The following DRC11 variants were observed in gnomAD, a reference collection of about 807,000 sequenced individuals.
The protein encoded by DRC11 is dynein regulatory complex subunit 11.
chr2:236,439,252 AC>A, the DRC11 span, among the ~76,000 whole-genome samples: 4 of 152,008 alleles, frequency 2.6e-5, no homozygotes, highest in African/African-American at 9.7e-5. Flanking sequence ...GACACAAAAA[AC>A]CCTTCAAAAC....
At chr2:236,411,031 C>A in the DRC11 span, among the ~76,000 whole-genome samples, 1 of 143,696 alleles carries the variant, frequency 7.0e-6, no homozygotes, top group Non-Finnish European at 1.5e-5. Flanking sequence ...GCAACCAAAG[C>A]CAAAATTGAC....
the DRC11 span, among the ~76,000 whole-genome samples, chr2:236,309,498 G>A: frequency 6.6e-6 from 1 of 152,120 alleles, no homozygotes; most frequent in South Asian, 2.1e-4. The surrounding 1 kb of genome is among the most constrained non-coding windows in gnomAD (Gnocchi z 5.7). Context: ...GGCAGGGGCA[G>A]GAGGAGGTGT....
the DRC11 span, among the ~76,000 whole-genome samples, chr2:236,347,987 C>T: frequency 6.6e-6 from 1 of 152,156 alleles, no homozygotes; most frequent in East Asian, 1.9e-4. Context: ...AGGAGAAACA[C>T]CAAGCCGGGC....
At chr2:236,323,771 T>C in the DRC11 span, among the ~76,000 whole-genome samples, 7 of 152,374 alleles carry the variant, frequency 4.6e-5, no homozygotes, top group Non-Finnish European at 7.3e-5. The surrounding 1 kb of genome is among the most constrained non-coding windows in gnomAD (Gnocchi z 6.4). Flanking sequence ...CTACTTCCTC[T>C]GACTGTGTTC....
At chr2:236,413,212 T>C in the DRC11 span, among the ~76,000 whole-genome samples, 1 of 152,308 alleles carries the variant, frequency 6.6e-6, no homozygotes, top group East Asian at 1.9e-4. This position sits in a 1 kb window ranked among gnomAD's most constrained non-coding sequence, Gnocchi z 4.0. Context: ...CTTGAAAACA[T>C]GAAGAAAGTC....
At chr2:236,330,953 A>G in the DRC11 span, among the ~76,000 whole-genome samples, 13 of 152,236 alleles carry the variant, frequency 8.5e-5, no homozygotes, top group Non-Finnish European at 1.0e-4. The surrounding 1 kb of genome is among the most constrained non-coding windows in gnomAD (Gnocchi z 5.5). Flanking sequence ...CTGAAACTGA[A>G]AAACAAAGTG....
chr2:236,309,135 A>G, the DRC11 span, among the ~76,000 whole-genome samples: 1 of 152,156 alleles, frequency 6.6e-6, no homozygotes, highest in Non-Finnish European at 1.5e-5. The surrounding 1 kb of genome is among the most constrained non-coding windows in gnomAD (Gnocchi z 5.7). Flanking sequence ...TGCGTTTCCT[A>G]TAGGACATAA....
chr2:236,403,976 TAGAAACCAGG>T, the DRC11 span, among the ~76,000 whole-genome samples: 1 of 151,954 alleles, frequency 6.6e-6, no homozygotes, highest in Non-Finnish European at 1.5e-5. Context: ...TTTCCCCGAA[TAGAAACCAGG>T]GGTCGCCTTC....
chr2:236,477,849 G>A, the DRC11 span, among the ~76,000 whole-genome samples: 2 of 151,938 alleles, frequency 1.3e-5, no homozygotes, highest in African/African-American at 2.4e-5. Context: ...AGTTTCTAAC[G>A]ATCCTATATA....
At chr2:236,415,485 C>A in the DRC11 span, among the ~76,000 whole-genome samples, 1 of 152,138 alleles carries the variant, frequency 6.6e-6, no homozygotes, top group African/African-American at 2.4e-5. This position sits in a 1 kb window ranked among gnomAD's most constrained non-coding sequence, Gnocchi z 5.7. Context: ...AGGGTTGATA[C>A]CAGAGTAAGA....
At chr2:236,447,175 T>C in the DRC11 span, among the ~76,000 whole-genome samples, 1 of 151,630 alleles carries the variant, frequency 6.6e-6, no homozygotes, top group African/African-American at 2.4e-5. The surrounding 1 kb of genome is among the most constrained non-coding windows in gnomAD (Gnocchi z 4.6). Context: ...GATGATGGGC[T>C]GTGCTGCATC....
chr2:236,422,680 T>C, the DRC11 span, among the ~76,000 whole-genome samples: 1 of 152,178 alleles, frequency 6.6e-6, no homozygotes, highest in African/African-American at 2.4e-5. Flanking sequence ...ATGACTTTCT[T>C]GACAGAATTA....
At chr2:236,369,427 C>T in the DRC11 span, among the ~76,000 whole-genome samples, 1 of 152,164 alleles carries the variant, frequency 6.6e-6, no homozygotes, top group East Asian at 1.9e-4. This position sits in a 1 kb window ranked among gnomAD's most constrained non-coding sequence, Gnocchi z 4.5. Flanking sequence ...TCAGATACCA[C>T]ACTTTTTAAT....
the DRC11 span, among the ~76,000 whole-genome samples, chr2:236,316,999 A>C: frequency 6.6e-6 from 1 of 151,474 alleles, no homozygotes; most frequent in Non-Finnish European, 1.5e-5. This position sits in a 1 kb window ranked among gnomAD's most constrained non-coding sequence, Gnocchi z 6.8. Flanking sequence ...ACTGAAGAAA[A>C]AATCATAGGC....
the DRC11 span, among the ~76,000 whole-genome samples, chr2:236,478,030 T>TGA: frequency 6.6e-6 from 1 of 151,918 alleles, no homozygotes; most frequent in Admixed American, 6.6e-5. This position sits in a 1 kb window ranked among gnomAD's most constrained non-coding sequence, Gnocchi z 5.9. Flanking sequence ...TGTGTGTGTG[T>TGA]GTTTTAGTCT....
At chr2:236,465,659 T>G in the DRC11 span, 1 of 1,613,790 alleles carries the variant, frequency 6.2e-7, no homozygotes, top group Non-Finnish European at 8.5e-7. The surrounding 1 kb of genome is among the most constrained non-coding windows in gnomAD (Gnocchi z 6.2). Flanking sequence ...CGGTCCACCT[T>G]TTCAGCCTGG....
the DRC11 span, among the ~76,000 whole-genome samples, chr2:236,345,463 C>T: frequency 6.6e-6 from 1 of 152,168 alleles, no homozygotes; most frequent in Non-Finnish European, 1.5e-5. Context: ...GAGAACTGGG[C>T]CACGAGTTTT....
At chr2:236,433,998 G>A in the DRC11 span, among the ~76,000 whole-genome samples, 1 of 152,214 alleles carries the variant, frequency 6.6e-6, no homozygotes, top group Non-Finnish European at 1.5e-5. Flanking sequence ...TGCCTTTGCA[G>A]CCTCCATAGT....
At chr2:236,358,633 A>T in the DRC11 span, among the ~76,000 whole-genome samples, 1 of 143,906 alleles carries the variant, frequency 6.9e-6, no homozygotes, top group Non-Finnish European at 1.5e-5. Context: ...GCTTTTTCTG[A>T]TCTCTGCCCT....
Sources: gnomAD v4.1 joint callset for allele counts (sites outside exome capture counted in the v4.1 genomes callset) on GRCh38, gnomAD v4.1.1 for gene constraint, Gnocchi (gnomAD v3.1) non-coding constraint, MANE v1.5 for transcripts, NCBI Gene and HGNC (gene_info 2026-07-23, HGNC 2026-07-21) for gene names.